TMEM132D: variants seen among roughly 807,000 people sequenced by gnomAD.
TMEM132D encodes transmembrane protein 132D.
TMEM132D carries 21 observed loss-of-function variants against 62.3 expected under a neutral mutation model. The ratio of observed to expected loss-of-function variants is 0.34; its 90% CI spans 0.24 to 0.49. The LOEUF (loss-of-function observed/expected upper bound fraction) is 0.49, where lower values mean the gene tolerates loss of function less well. Ranked by LOEUF, TMEM132D falls within the 20% of genes least tolerant of loss-of-function variation. The pLI is 0.99. For missense variants in TMEM132D, 1,346 were observed against 1,402.8 expected, an observed-to-expected ratio of 0.96 and a Z score of 0.65; for synonymous variants, 621 against 575.6, an observed-to-expected ratio of 1.08 and a Z score of -1.13.
chr12:129,542,715 A>G (rs965395540), intron 2 of TMEM132D, among the ~76,000 whole-genome samples: 1 of 152,202 alleles, frequency 6.6e-6, no homozygotes, highest in Non-Finnish European at 1.5e-5. Context: ...TAATGTATAT[A>G]CACACACGCA....
rs1430534262 is a variant in TMEM132D at position 129,473,320 on chromosome 12, T to TTTTG, written c.1115+57735_1115+57738dup. Among the ~76,000 whole-genome samples the TTTTG allele has an allele frequency of 5.1e-5, 5 of 97,952 alleles. No individual in the cohort carries two copies. In the South Asian group the frequency reaches 1.8e-3, roughly 35 times the overall value. 64.3% of individuals were successfully genotyped at this position (97,952 alleles called of 152,430 possible). Reference sequence around the variant, plus strand: ...TTTTTGGCAATAAAGTGATTTTAGTTTTTGTTTTTTTTTTTTTTTTTTTTT... The same window carrying TTTTG: ...TTTTTGGCAATAAAGTGATTTTAGTTTTTGTTTGTTTTTTTTTTTTTTTTTTTTT... On this transcript the variant is annotated intron_variant, in intron 3 of 8. Coordinates refer to ENST00000422113, the MANE Select transcript of TMEM132D (RefSeq NM_133448.3).
chr12:129,397,447 C>T (rs1268531081), intron 3 of TMEM132D, among the ~76,000 whole-genome samples: 1 of 152,082 alleles, frequency 6.6e-6, no homozygotes, highest in Non-Finnish European at 1.5e-5. Flanking sequence ...TGACGAACAC[C>T]GTAAAACTAC....
intron 2 of TMEM132D, among the ~76,000 whole-genome samples, chr12:129,577,706 T>C (rs1320576950): frequency 2.6e-5 from 4 of 152,136 alleles, no homozygotes; most frequent in Non-Finnish European, 2.9e-5. Flanking sequence ...TTTCAATTTG[T>C]CTCAAATGTT....
intron 1 of TMEM132D, among the ~76,000 whole-genome samples, chr12:129,740,724 CT>C (rs1219344710): frequency 2.0e-5 from 3 of 152,036 alleles, no homozygotes; most frequent in African/African-American, 7.3e-5. Context: ...GCTATACATT[CT>C]TTTGGTACCT....
At chr12:129,730,401 G>A (rs1469868247) in intron 1 of TMEM132D, among the ~76,000 whole-genome samples, 1 of 152,042 alleles carries the variant, frequency 6.6e-6, no homozygotes, top group African/African-American at 2.4e-5. Context: ...GCTCCCTGAG[G>A]GTGGATGCTG....
chr12:129,471,028 A>C (rs989271400), intron 3 of TMEM132D, among the ~76,000 whole-genome samples: 9 of 152,126 alleles, frequency 5.9e-5, no homozygotes, highest in Admixed American at 5.9e-4. Flanking sequence ...AGCTGACCAC[A>C]TGTCTTTGAC....
chr12:129,456,729 A>G (rs149721166), intron 3 of TMEM132D, among the ~76,000 whole-genome samples: 60 of 152,076 alleles, frequency 3.9e-4, no homozygotes, highest in African/African-American at 1.2e-3. Context: ...CATCCACCCA[A>G]TGGTCATCCC....
chr12:129,789,880 T>C (rs1368856973), intron 1 of TMEM132D, among the ~76,000 whole-genome samples: 2 of 152,220 alleles, frequency 1.3e-5, no homozygotes, highest in African/African-American at 4.8e-5. Context: ...CTTTCTAACA[T>C]AGGGTCATCT....
At chr12:129,560,097 G>T (rs1344731076) in intron 2 of TMEM132D, among the ~76,000 whole-genome samples, 2 of 152,178 alleles carry the variant, frequency 1.3e-5, no homozygotes, top group South Asian at 2.1e-4. Flanking sequence ...ACCACATAAA[G>T]TGTGTGGCAA....
chr12:129,637,641 C>T (rs989012631), intron 2 of TMEM132D, among the ~76,000 whole-genome samples: 1 of 152,066 alleles, frequency 6.6e-6, no homozygotes, highest in South Asian at 2.1e-4. Flanking sequence ...GTAAAGCCTG[C>T]GGAGACTGGG....
intron 5 of TMEM132D, among the ~76,000 whole-genome samples, chr12:129,207,063 A>G (rs1169920931): frequency 6.6e-6 from 1 of 152,154 alleles, no homozygotes; most frequent in African/African-American, 2.4e-5. Context: ...CAGGTGACCT[A>G]TTAATATATA....
chr12:129,159,113 T>C (rs1877326699), intron 5 of TMEM132D, among the ~76,000 whole-genome samples: 1 of 152,206 alleles, frequency 6.6e-6, no homozygotes, highest in South Asian at 2.1e-4. Context: ...ATATCATCAA[T>C]TGTTTCAAAT....
At chr12:129,145,988 G>T (rs772480501) in intron 5 of TMEM132D, among the ~76,000 whole-genome samples, 1 of 152,026 alleles carries the variant, frequency 6.6e-6, no homozygotes, top group African/African-American at 2.4e-5. Flanking sequence ...ACAAAATAAG[G>T]TGGGTACACC....
In TMEM132D at chr12:129,585,793, A is replaced by G. The variant is rs561616545; in HGVS notation, c.969-54588T>C. ...TATCATATAATGCATTTCCAATCAAAATACCAATGAGATATGCATGCATGT... is the reference window on the plus strand; with the variant it reads ...TATCATATAATGCATTTCCAATCAAGATACCAATGAGATATGCATGCATGT... On this transcript the variant is annotated intron_variant, in intron 2 of 8. Coordinates refer to ENST00000422113, the MANE Select transcript of TMEM132D (RefSeq NM_133448.3). Among the ~76,000 whole-genome samples the G allele has an allele frequency of 1.2e-4, 18 of 151,140 alleles. No individual in the cohort carries two copies. In the South Asian group the frequency reaches 3.6e-3, roughly 30 times the overall value.
intron 2 of TMEM132D, among the ~76,000 whole-genome samples, chr12:129,626,313 C>T (rs2043998720): frequency 6.6e-6 from 1 of 152,180 alleles, no homozygotes; most frequent in African/African-American, 2.4e-5. Context: ...TAATCGAAGA[C>T]AGGATGTGCA....
chr12:129,791,521 T>G (rs1305083468), intron 1 of TMEM132D, among the ~76,000 whole-genome samples: 7 of 152,104 alleles, frequency 4.6e-5, no homozygotes, highest in Non-Finnish European at 2.9e-5. Flanking sequence ...GTGAAAAAAT[T>G]TTAAATGCCT....
chr12:129,370,939 A>C (rs1870576922), intron 3 of TMEM132D, among the ~76,000 whole-genome samples: 1 of 152,244 alleles, frequency 6.6e-6, no homozygotes. Context: ...GTTAGATAGA[A>C]GAACTATGTT....
At chr12:129,899,804 A>C (rs1875291837) in intron 1 of TMEM132D, among the ~76,000 whole-genome samples, 1 of 152,164 alleles carries the variant, frequency 6.6e-6, no homozygotes, top group Non-Finnish European at 1.5e-5. Context: ...AACAAAACTT[A>C]GTGGTCTCTT....
At chr12:129,651,622 T>C (rs2137183526) in intron 2 of TMEM132D, among the ~76,000 whole-genome samples, 1 of 152,176 alleles carries the variant, frequency 6.6e-6, no homozygotes, top group East Asian at 1.9e-4. Context: ...CCATAATCAC[T>C]TTAAAGTTAA....
Sources: gnomAD v4.1 joint callset for allele counts (sites outside exome capture counted in the v4.1 genomes callset) on GRCh38, gnomAD v4.1.1 for gene constraint, MANE v1.5 for transcripts, NCBI Gene and HGNC (gene_info 2026-07-23, HGNC 2026-07-21) for gene names.